PEPD: variants seen among roughly 807,000 people sequenced by gnomAD.
The protein encoded by PEPD is peptidase D.
Under a neutral mutation model 60.7 loss-of-function variants are expected in PEPD, and 53 were observed. The observed-to-expected ratio is 0.87, with a 90% confidence interval of 0.70 to 1.10. The LOEUF (loss-of-function observed/expected upper bound fraction) is 1.10, where lower values mean the gene tolerates loss of function less well. Among genes scored for constraint, PEPD ranks in the 50% least tolerant of loss-of-function variants. The probability of loss-of-function intolerance (pLI) is 0.00; values close to 1 mark genes in which losing one functional copy is unlikely to be tolerated. For synonymous variants in PEPD, 267 were observed against 284.1 expected, an observed-to-expected ratio of 0.94 and a Z score of 0.60; for missense variants, 711 against 711.9, an observed-to-expected ratio of 1.00 and a Z score of 0.01.
intron 9 of PEPD, among the ~76,000 whole-genome samples, chr19:33,421,832 T>C (rs1969026346): frequency 2.0e-5 from 3 of 152,144 alleles, no homozygotes; most frequent in Non-Finnish European, 4.4e-5. Context: ...GTCCAGAATC[T>C]GACCACTTCT....
intron 11 of PEPD, among the ~76,000 whole-genome samples, chr19:33,404,093 T>G (rs1395133568): frequency 6.6e-6 from 1 of 152,212 alleles, no homozygotes; most frequent in Non-Finnish European, 1.5e-5. Context: ...CAATGGGTTC[T>G]TAGGTCCTGG....
At chr19:33,485,491 T>TAAAAAAAAAAAAAAAAAA (rs908651690) in intron 6 of PEPD, among the ~76,000 whole-genome samples, 19 of 110,942 alleles carry the variant, frequency 1.7e-4, no homozygotes, top group African/African-American at 6.2e-4. Context: ...AGACTCTGTC[T>TAAAAAAAAAAAAAAAAAA]AAAAAAAAAA....
intron 9 of PEPD, among the ~76,000 whole-genome samples, chr19:33,451,585 C>T (rs1375682909): frequency 6.6e-6 from 1 of 152,184 alleles, no homozygotes; most frequent in Non-Finnish European, 1.5e-5. Context: ...AGAACAGATG[C>T]TGATTATCAC....
chr19:33,505,850 T>C (rs1238263940), intron 3 of PEPD, among the ~76,000 whole-genome samples: 278 of 74,602 alleles, frequency 3.7e-3, no homozygotes, highest in Middle Eastern at 0.03. Context: ...CAACACAGCA[T>C]ACTCACACCC....
At chr19:33,413,679 A>G (rs780506496) in intron 9 of PEPD, 36 bp from the exon 10 acceptor site, 60 of 1,340,786 alleles carry the variant, frequency 4.5e-5, no homozygotes, top group Non-Finnish European at 6.1e-5. Flanking sequence ...TTGGGGCACT[A>G]GAGCAGGCAC....
At chr19:33,503,539 T>TGCAGCTGGCTCAAGA (rs1970749118) in intron 3 of PEPD, among the ~76,000 whole-genome samples, 1 of 152,146 alleles carries the variant, frequency 6.6e-6, no homozygotes, top group African/African-American at 2.4e-5. Flanking sequence ...GGGCTTATTG[T>TGCAGCTGGCTCAAGA]GCAGCTGGCT....
chr19:33,402,777 G>T (rs1968529284), intron 11 of PEPD, among the ~76,000 whole-genome samples: 1 of 152,154 alleles, frequency 6.6e-6, no homozygotes. Context: ...AGCTGTCCAG[G>T]ACGGGAGGGG....
chr19:33,513,741 T>C (rs1419140439), intron 1 of PEPD, among the ~76,000 whole-genome samples: 1 of 152,140 alleles, frequency 6.6e-6, no homozygotes, highest in Non-Finnish European at 1.5e-5. Flanking sequence ...AGACCCCCAG[T>C]TCACCCTTGG....
intron 4 of PEPD, among the ~76,000 whole-genome samples, chr19:33,500,378 C>T (rs893156596): frequency 3.3e-5 from 5 of 152,200 alleles, no homozygotes; most frequent in African/African-American, 1.2e-4. Context: ...TCAGGGCAGC[C>T]CCTTTGACCT....
intron 3 of PEPD, among the ~76,000 whole-genome samples, chr19:33,501,264 C>T (rs1219972585): frequency 6.6e-6 from 1 of 152,200 alleles, no homozygotes; most frequent in Non-Finnish European, 1.5e-5. Flanking sequence ...CACCTGCAGC[C>T]AGCCCCTGCA....
chr19:33,516,479 C>A (rs1427763027), intron 1 of PEPD, among the ~76,000 whole-genome samples: 2 of 151,974 alleles, frequency 1.3e-5, no homozygotes, highest in Non-Finnish European at 2.9e-5. Flanking sequence ...CTGGAAACAA[C>A]CAAGACCCAG....
intron 13 of PEPD, among the ~76,000 whole-genome samples, chr19:33,389,816 A>G (rs541051730): frequency 6.6e-6 from 1 of 152,386 alleles, no homozygotes; most frequent in East Asian, 1.9e-4. Context: ...GCCTCAGCCC[A>G]GTGGCGCAGC....
intron 13 of PEPD, 81 bp downstream of exon 13, chr19:33,391,214 C>T: frequency 8.5e-7 from 1 of 1,171,454 alleles, no homozygotes; most frequent in Non-Finnish European, 1.3e-6. Flanking sequence ...CTGCTGCCTC[C>T]TAGAGTCCCA....
chr19:33,502,563 T>G (rs1222619283), intron 3 of PEPD, among the ~76,000 whole-genome samples: 1 of 152,190 alleles, frequency 6.6e-6, no homozygotes, highest in Non-Finnish European at 1.5e-5. Flanking sequence ...TACCTCTGAT[T>G]GCAAGTAGAG....
chr19:33,438,982 A>T (rs181880897), intron 9 of PEPD, among the ~76,000 whole-genome samples: 135 of 152,318 alleles, frequency 8.9e-4, no homozygotes, highest in African/African-American at 3.1e-3. Context: ...GGCCTCCCAA[A>T]GTGCTGGGAC....
chr19:33,496,618 A>T (rs896272813), intron 4 of PEPD, among the ~76,000 whole-genome samples: 2 of 152,234 alleles, frequency 1.3e-5, no homozygotes, highest in African/African-American at 4.8e-5. Flanking sequence ...CACACAAGAC[A>T]GCACGGCTCT....
At chr19:33,466,143 CTT>C (rs1970013549) in intron 7 of PEPD, among the ~76,000 whole-genome samples, 1 of 152,172 alleles carries the variant, frequency 6.6e-6, no homozygotes, top group African/African-American at 2.4e-5. Flanking sequence ...GCATGGATTC[CTT>C]TCTGCAGATA....
chr19:33,420,656 C>T (rs559983515), intron 9 of PEPD, among the ~76,000 whole-genome samples: 5 of 151,916 alleles, frequency 3.3e-5, no homozygotes, highest in Non-Finnish European at 5.9e-5. Context: ...GAGCCGAGAT[C>T]GCACCAGTGC....
chr19:33,514,677 GA>G (rs1184273564), intron 1 of PEPD, among the ~76,000 whole-genome samples: 2 of 151,634 alleles, frequency 1.3e-5, no homozygotes, highest in African/African-American at 4.8e-5. Flanking sequence ...GGAGAGGGAG[GA>G]AGACAGTGGA....
Sources: gnomAD v4.1 joint callset for allele counts (sites outside exome capture counted in the v4.1 genomes callset) on GRCh38, gnomAD v4.1.1 for gene constraint, MANE v1.5 for transcripts, NCBI Gene and HGNC (gene_info 2026-07-23, HGNC 2026-07-21) for gene names.